The following DARS1 variants were observed in gnomAD, a reference collection of about 807,000 sequenced individuals.
The protein encoded by DARS1 is aspartate--tRNA ligase, cytoplasmic.
Under a neutral mutation model 68.8 loss-of-function variants are expected in DARS1, and 51 were observed. The ratio of observed to expected loss-of-function variants is 0.74; its 90% CI spans 0.59 to 0.94. The LOEUF is 0.94. Ranked by LOEUF, DARS1 falls within the 40% of genes least tolerant of loss-of-function variation. The pLI, the probability that DARS1 is intolerant of heterozygous loss-of-function variation, is 0.00. For missense variants in DARS1, 607 were observed against 597.3 expected (o/e 1.02, Z -0.17); for synonymous variants, 203 against 190.4 (o/e 1.07, Z -0.55).
intron 4 of DARS1, among the ~76,000 whole-genome samples, chr2:135,952,565 C>T (rs1032297648): frequency 3.3e-5 from 5 of 152,136 alleles, no homozygotes; most frequent in African/African-American, 1.2e-4. Context: ...TCATCCCCCT[C>T]TGCCCCCCAC....
chr2:135,936,169 G>A (rs1681468853), intron 5 of DARS1, among the ~76,000 whole-genome samples: 1 of 152,166 alleles, frequency 6.6e-6, no homozygotes. Flanking sequence ...ATAAATAAGT[G>A]ATAAAGCAAA....
chr2:135,960,637 T>A (rs963148614), intron 4 of DARS1, among the ~76,000 whole-genome samples: 3 of 152,150 alleles, frequency 2.0e-5, no homozygotes, highest in Middle Eastern at 3.2e-3. Flanking sequence ...GACCATCCAT[T>A]TTCTCATGTT....
At chr2:135,981,374 A>G (rs1318359907) in intron 2 of DARS1, among the ~76,000 whole-genome samples, 1 of 152,042 alleles carries the variant, frequency 6.6e-6, no homozygotes, top group Non-Finnish European at 1.5e-5. Flanking sequence ...CCTATACTCT[A>G]TTGCTCATAG....
intron 3 of DARS1, among the ~76,000 whole-genome samples, chr2:135,965,031 A>G (rs1370134284): frequency 1.3e-5 from 2 of 152,062 alleles, no homozygotes; most frequent in African/African-American, 4.8e-5. Context: ...ATAGTATGTA[A>G]AAGTGTGCCA....
intron 8 of DARS1, among the ~76,000 whole-genome samples, chr2:135,923,469 T>C (rs554105163): frequency 7.0e-4 from 107 of 152,222 alleles, no homozygotes; most frequent in African/African-American, 2.5e-3. Context: ...TTTGTATTTT[T>C]AGTACAGACG....
intron 3 of DARS1, among the ~76,000 whole-genome samples, chr2:135,977,009 CTTA>C (rs1396429198): frequency 6.6e-6 from 1 of 152,128 alleles, no homozygotes; most frequent in East Asian, 1.9e-4. Context: ...CGGTAGGGTT[CTTA>C]TTATGTGTTG....
intron 1 of DARS1, chr2:135,985,077 TACGTGCAGG>T (rs954531356): frequency 3.6e-5 from 14 of 393,748 alleles, no homozygotes; most frequent in African/African-American, 2.4e-4. Context: ...GATTGTGCAT[TACGTGCAGG>T]ACGTGCCTAA....
At chr2:135,970,859 A>G (rs1682354076) in intron 3 of DARS1, among the ~76,000 whole-genome samples, 1 of 152,200 alleles carries the variant, frequency 6.6e-6, no homozygotes, top group South Asian at 2.1e-4. Context: ...GAAGAAATGG[A>G]CATTTCTAGA....
In DARS1 at chr2:135,922,926, G is replaced by A. The variant is rs764603607; in HGVS notation, c.677-8C>T. 4 of 1,537,850 alleles carry A rather than the reference G, an allele frequency of 2.6e-6. No homozygotes were observed. In the South Asian group the frequency reaches 4.0e-5, roughly 15 times the overall value. ...CTCCTCCTTCACTGGCAGCTGAAAG[G>A]TAAACATTTATATTTATATTATTAT... On this transcript the variant is annotated splice_region_variant and splice_polypyrimidine_tract_variant and intron_variant, in intron 8 of 15. Transcript: ENST00000264161.
rs781360476 is a variant in DARS1, at chr2:135,932,847, AAAAAAAAAAAAAG to A, written c.505-18_505-6del. The A allele has an allele frequency of 2.8e-4, 306 of 1,101,992 alleles. No individual in the cohort carries two copies. The highest frequency in any genetic ancestry group is 3.8e-4 in the Non-Finnish European group (291 of 768,772). The allele number at this position is 1,101,992 out of a possible 1,614,324, so 68.3% of individuals were successfully genotyped here. ...GTTAACAGTAGCTCTTCCTTCCTAA[AAAAAAAAAAAAAG>A]AAAAGAAAAAAATAAATTTTACTAA... On this transcript the variant is annotated splice_region_variant and splice_polypyrimidine_tract_variant and intron_variant, in intron 6 of 15. Coordinates refer to ENST00000264161, the MANE Select transcript of DARS1 (RefSeq NM_001349.4).
intron 3 of DARS1, among the ~76,000 whole-genome samples, chr2:135,975,753 CAAA>C (rs1170740469): frequency 8.4e-5 from 6 of 71,690 alleles, no homozygotes; most frequent in Non-Finnish European, 3.0e-5. Flanking sequence ...GACCCTGACT[CAAA>C]AAAAAAAAAA....
intron 4 of DARS1, among the ~76,000 whole-genome samples, chr2:135,960,402 G>A (rs1682074540): frequency 6.6e-6 from 1 of 152,034 alleles, no homozygotes; most frequent in African/African-American, 2.4e-5. Flanking sequence ...GGGTCAGGGA[G>A]GGCTGAAAGC....
rs34744196 is a variant in DARS1, at chr2:135,932,844, TAAA to T, written c.505-5_505-3del. 1,013 of 962,742 alleles carry T rather than the reference TAAA, an allele frequency of 1.1e-3. No individual in the cohort carries two copies. The highest frequency in any genetic ancestry group is 1.9e-3 in the Middle Eastern group (8 of 4,290). The allele number at this position is 962,742 out of a possible 1,614,324, so 59.6% of individuals were successfully genotyped here. A position where few individuals can be genotyped will look rare whatever the true frequency, so the allele number is the denominator to read the frequency against. On this transcript the variant is annotated splice_region_variant and splice_polypyrimidine_tract_variant and intron_variant, in intron 6 of 15. Coordinates refer to ENST00000264161, the MANE Select transcript of DARS1 (RefSeq NM_001349.4). Reference sequence around the variant, plus strand: ...CTGGTTAACAGTAGCTCTTCCTTCCTAAAAAAAAAAAAAAAGAAAAGAAAAAAA... The same window carrying T: ...CTGGTTAACAGTAGCTCTTCCTTCCTAAAAAAAAAAAAGAAAAGAAAAAAA...
In DARS1 at chr2:135,906,378, T is replaced by G. The variant is rs575146243; in HGVS notation, c.*938A>C. Among the ~76,000 whole-genome samples, 21 of 152,310 alleles carry G rather than the reference T, an allele frequency of 1.4e-4. No individual in the cohort carries two copies. Among genetic ancestry groups the G allele is most frequent in the African/African-American group, 4.8e-4 (20 of 41,590 alleles). ...TACACAAAAATTTCTTTTTGACGGA[T>G]AAGATGGGACTGGATTTTACTGACA... is the stretch of plus-strand genomic sequence containing the variant. On this transcript the variant is annotated 3_prime_UTR_variant, in exon 16 of 16. Coordinates refer to ENST00000264161, the MANE Select transcript of DARS1 (RefSeq NM_001349.4).
intron 4 of DARS1, among the ~76,000 whole-genome samples, chr2:135,947,199 A>C (rs1304271663): frequency 1.3e-5 from 2 of 152,246 alleles, no homozygotes; most frequent in East Asian, 3.9e-4. Context: ...TGAGGTCAGG[A>C]GTTTAAGACC....
chr2:135,946,506 G>A (rs541017554), intron 4 of DARS1, among the ~76,000 whole-genome samples: 3 of 152,296 alleles, frequency 2.0e-5, no homozygotes, highest in Non-Finnish European at 4.4e-5. Context: ...AGGGAAGAAA[G>A]GGTAGGCGGA....
intron 2 of DARS1, among the ~76,000 whole-genome samples, chr2:135,982,574 C>T (rs149666855): frequency 0.023 from 3,375 of 148,844 alleles, 92 homozygotes; most frequent in African/African-American, 0.076. Context: ...CCAGCCTGGG[C>T]GACAGAGCGA....
At chr2:135,926,839 T>C (rs1681221997) in intron 7 of DARS1, among the ~76,000 whole-genome samples, 1 of 152,122 alleles carries the variant, frequency 6.6e-6, no homozygotes, top group African/African-American at 2.4e-5. Context: ...AGGAAAATAA[T>C]GTCCTCAGGC....
rs764058579 is a variant in DARS1 at position 135,985,538 on chromosome 2, T to TCTCC, written c.-74_-71dup. 1 of 1,610,012 alleles carries TCTCC rather than the reference T, an allele frequency of 6.2e-7. No homozygotes were observed. The highest frequency in any genetic ancestry group is 1.7e-5 in the Admixed American group (1 of 59,302). On this transcript the variant is annotated 5_prime_UTR_variant, in exon 1 of 16. Transcript: ENST00000264161. ...TTCCGTAAGGCAGGCCAAAGGGGCT[T>TCTCC]CTCCCTCCCTCCCAGTCTCCGCCCT... is the stretch of plus-strand genomic sequence containing the variant.
Sources: gnomAD v4.1 joint callset for allele counts (sites outside exome capture counted in the v4.1 genomes callset) on GRCh38, gnomAD v4.1.1 for gene constraint, MANE v1.5 for transcripts, NCBI Gene and HGNC (gene_info 2026-07-23, HGNC 2026-07-21) for gene names.